The following PIGL variants were observed in gnomAD, a reference collection of about 807,000 sequenced individuals.
The protein encoded by PIGL is N-acetylglucosaminyl-phosphatidylinositol de-N-acetylase.
Under a neutral mutation model 31.1 loss-of-function variants are expected in PIGL, and 22 were observed. The observed-to-expected ratio is 0.71, with a 90% CI of 0.51 to 1.01. The LOEUF (loss-of-function observed/expected upper bound fraction) is 1.01, where lower values mean the gene tolerates loss of function less well. PIGL is among the 50% of genes least tolerant of loss of function. PIGL has a pLI of 0.00. For synonymous variants in PIGL, 131 were observed against 117.4 expected (o/e 1.12, Z -0.75); for missense variants, 302 against 315.9 (o/e 0.96, Z 0.33).
At chr17:16,257,382 A>T (rs2092798513) in intron 2 of PIGL, among the ~76,000 whole-genome samples, 1 of 151,838 alleles carries the variant, frequency 6.6e-6, no homozygotes. Flanking sequence ...ACACCATTGC[A>T]CTCCAGCTTG....
chr17:16,307,450 G>T (rs1179836361), intron 3 of PIGL, among the ~76,000 whole-genome samples: 1 of 152,198 alleles, frequency 6.6e-6, no homozygotes, highest in Non-Finnish European at 1.5e-5. Flanking sequence ...GGGTGGGAGA[G>T]GGCAACTTGA....
At chr17:16,278,454 T>TAAGGA (rs1276373298) in intron 2 of PIGL, among the ~76,000 whole-genome samples, 22 of 152,234 alleles carry the variant, frequency 1.4e-4, no homozygotes, top group African/African-American at 4.8e-5. Context: ...GACCATAAGG[T>TAAGGA]AAGGTTCTTA....
intron 2 of PIGL, among the ~76,000 whole-genome samples, chr17:16,241,249 T>C (rs1024142748): frequency 1.3e-5 from 2 of 151,226 alleles, no homozygotes; most frequent in Non-Finnish European, 2.9e-5. Flanking sequence ...GAATTGGGTA[T>C]GAAGAGATAA....
chr17:16,242,595 G>T (rs1401332961), intron 2 of PIGL, among the ~76,000 whole-genome samples: 1 of 144,520 alleles, frequency 6.9e-6, no homozygotes, highest in Non-Finnish European at 1.5e-5. Flanking sequence ...TGCAAATAAT[G>T]CTAATACAAT....
rs149401781 is a variant in PIGL at position 16,260,138 on chromosome 17, T to C, written c.335+26068T>C. Among the ~76,000 whole-genome samples the C allele has an allele frequency of 6.4e-3, 976 of 152,252 alleles. 6 individuals are homozygous for C. Among genetic ancestry groups the C allele is most frequent in the African/African-American group, 0.022 (912 of 41,552 alleles). ...AGGCCGAGGGGGTGCTGAGGGCAGC[T>C]CACCATGGGCCTGCAGGCACCCCTT... On this transcript the variant is annotated intron_variant, in intron 2 of 6. Coordinates refer to ENST00000225609, the MANE Select transcript of PIGL (RefSeq NM_004278.4).
Position 16,234,043 on chromosome 17 carries a change from T to C in PIGL, c.308T>C (p.Leu103Pro), listed in dbSNP as rs779293717. ...LQSCDVLGIP[L>P]SSVMIIDNRD... ...AGCTGTGATGTTTTGGGGATTCCAC[T>C]CTCCAGTGTAATGATTATTGACAAC... The change falls in exon 2 of 7, where the codon CTC (leucine) becomes CCC (proline). Residue 103 changes from leucine to proline, a missense_variant. Coordinates refer to ENST00000225609, the MANE Select transcript of PIGL (RefSeq NM_004278.4). The C allele has an allele frequency of 6.3e-7, 1 of 1,596,558 alleles. No homozygotes were observed. Among genetic ancestry groups the C allele is most frequent in the South Asian group, 1.1e-5 (1 of 90,694 alleles).
intron 6 of PIGL, among the ~76,000 whole-genome samples, chr17:16,324,058 G>A (rs183238153): frequency 1.1e-3 from 162 of 152,078 alleles, no homozygotes; most frequent in Middle Eastern, 3.4e-3. Context: ...CTGGGTTCAA[G>A]CGAGTCCCCT....
chr17:16,283,984 TTTTG>T (rs2092926964), intron 2 of PIGL: 2 of 121,990 alleles, frequency 1.6e-5, no homozygotes, highest in Non-Finnish European at 1.9e-5. Context: ...CTTTCTTTTT[TTTTG>T]TTTTGAGACG....
intron 6 of PIGL, among the ~76,000 whole-genome samples, chr17:16,322,511 T>A (rs2093110448): frequency 6.6e-6 from 1 of 152,254 alleles, no homozygotes. Flanking sequence ...TAGCTACACA[T>A]GATAAGTTTT....
chr17:16,264,327 G>T (rs1274931291), intron 2 of PIGL, among the ~76,000 whole-genome samples: 1 of 151,130 alleles, frequency 6.6e-6, no homozygotes, highest in African/African-American at 2.4e-5. Flanking sequence ...TGTATTTTTA[G>T]TAGAGACGAG....
At chr17:16,250,627 G>A (rs1392486946) in intron 2 of PIGL, among the ~76,000 whole-genome samples, 1 of 152,122 alleles carries the variant, frequency 6.6e-6, no homozygotes, top group Non-Finnish European at 1.5e-5. Context: ...AGAATGAAGA[G>A]GAAGAAGAGA....
At chr17:16,248,824 A>G (rs1335266466) in intron 2 of PIGL, among the ~76,000 whole-genome samples, 1 of 152,150 alleles carries the variant, frequency 6.6e-6, no homozygotes, top group East Asian at 1.9e-4. Flanking sequence ...AATACCATAG[A>G]CTGGGTGGCT....
chr17:16,288,867 T>C (rs1355803892), intron 2 of PIGL, among the ~76,000 whole-genome samples: 1 of 152,230 alleles, frequency 6.6e-6, no homozygotes, highest in Non-Finnish European at 1.5e-5. Flanking sequence ...CTCTTTAATG[T>C]TTTAAGTAGT....
chr17:16,234,099 T>G lies in PIGL; in HGVS notation c.335+29T>G, dbSNP rs772936573. 1.6e-5 allele frequency: 20 copies of G among 1,265,458 alleles called. No individual in the cohort carries two copies. The South Asian group carries it at 1.9e-4, about 12-fold the overall frequency. The allele number at this position is 1,265,458 out of a possible 1,614,324, so 78.4% of individuals were successfully genotyped here. On this transcript the variant is annotated intron_variant, in intron 2 of 6. Coordinates refer to ENST00000225609, the MANE Select transcript of PIGL (RefSeq NM_004278.4). ...ATATATCTTTTAACAATGTAGAAATTTATTGGCAATAAATATGCAGTGATA... is the reference window on the plus strand; with the variant it reads ...ATATATCTTTTAACAATGTAGAAATGTATTGGCAATAAATATGCAGTGATA...
chr17:16,291,343 T>G (rs574743722), intron 2 of PIGL, among the ~76,000 whole-genome samples: 1 of 147,200 alleles, frequency 6.8e-6, no homozygotes, highest in East Asian at 2.1e-4. Context: ...CCCATTTTCA[T>G]TAAAAATACA....
chr17:16,260,711 G>A (rs2092815732), intron 2 of PIGL, among the ~76,000 whole-genome samples: 1 of 152,106 alleles, frequency 6.6e-6, no homozygotes, highest in Admixed American at 6.6e-5. Flanking sequence ...TCCTGAGAAT[G>A]GTTCTGCCTC....
chr17:16,234,214 A>T (rs2092690587), intron 2 of PIGL, 144 bp downstream of exon 2: 2 of 556,898 alleles, frequency 3.6e-6, no homozygotes, highest in East Asian at 5.7e-5. Flanking sequence ...TCACGCTTGT[A>T]ATCCCAGTAC....
At chr17:16,299,396 A>C (rs1272385802) in intron 2 of PIGL, among the ~76,000 whole-genome samples, 1 of 151,940 alleles carries the variant, frequency 6.6e-6, no homozygotes, top group Non-Finnish European at 1.5e-5. Flanking sequence ...GTGAGCCGAG[A>C]TCTCACCATT....
At position 16,325,984 on chromosome 17, in the gene PIGL, A is replaced by G. The variant is rs2302314; in HGVS notation, c.*86A>G. 38,072 of 970,666 alleles carry G rather than the reference A, an allele frequency of 0.039. 1,168 individuals carry two copies. Among genetic ancestry groups the G allele is most frequent in the African/African-American group, 0.13 (8,287 of 62,732 alleles). The allele number at this position is 970,666 out of a possible 1,614,324, so 60.1% of individuals were successfully genotyped here. A position where few individuals can be genotyped will look rare whatever the true frequency, so the allele number is the denominator to read the frequency against. On this transcript the variant is annotated 3_prime_UTR_variant, in exon 7 of 7. Coordinates refer to ENST00000225609, the MANE Select transcript of PIGL (RefSeq NM_004278.4). ...GACCTGGCCTGGCACTGGCTTATTTACCTGAGCTCAAGGAGATCCCCGCTG... is the reference window on the plus strand; with the variant it reads ...GACCTGGCCTGGCACTGGCTTATTTGCCTGAGCTCAAGGAGATCCCCGCTG...
Sources: gnomAD v4.1 joint callset for allele counts (sites outside exome capture counted in the v4.1 genomes callset) on GRCh38, gnomAD v4.1.1 for gene constraint, MANE v1.5 for transcripts, NCBI Gene and HGNC (gene_info 2026-07-23, HGNC 2026-07-21) for gene names.